ZNF407: variants seen among roughly 807,000 people sequenced by gnomAD.
The protein encoded by ZNF407 is zinc finger protein 407.
Under a neutral mutation model 131.2 loss-of-function variants are expected in ZNF407, and 17 were observed. The observed-to-expected ratio is 0.13, with a 90% CI of 0.09 to 0.19. ZNF407 has a LOEUF of 0.19. Among genes scored for constraint, ZNF407 ranks in the 10% least tolerant of loss-of-function variants. The probability of loss-of-function intolerance (pLI) is 1.00; values close to 1 mark genes in which losing one functional copy is unlikely to be tolerated. For missense variants in ZNF407, 2,681 were observed against 2,830.6 expected (o/e 0.95, Z 1.20); for synonymous variants, 1,156 against 1,062.0 (o/e 1.09, Z -1.72).
intron 3 of ZNF407, among the ~76,000 whole-genome samples, chr18:74,746,303 A>C (rs73472470): frequency 0.021 from 3,156 of 152,254 alleles, 69 homozygotes; most frequent in East Asian, 0.069. Flanking sequence ...GGCCTAGGAC[A>C]TTACTGTACA....
intron 8 of ZNF407, among the ~76,000 whole-genome samples, chr18:75,019,565 C>T (rs1973082907): frequency 6.6e-6 from 1 of 152,142 alleles, no homozygotes; most frequent in Non-Finnish European, 1.5e-5. Context: ...CCCACTCTTT[C>T]CCACTCAGGG....
chr18:74,643,000 T>C (rs1413213066), intron 3 of ZNF407, among the ~76,000 whole-genome samples: 1 of 152,112 alleles, frequency 6.6e-6, no homozygotes, highest in East Asian at 1.9e-4. Context: ...AACTGAAGAG[T>C]ACTTACTGAT....
intron 3 of ZNF407, among the ~76,000 whole-genome samples, chr18:74,743,173 A>G (rs1446779879): frequency 6.6e-6 from 1 of 152,180 alleles, no homozygotes; most frequent in Non-Finnish European, 1.5e-5. Flanking sequence ...AGCAAGTTAC[A>G]GGGGTTAGGG....
At chr18:74,654,889 A>G (rs1402164607) in intron 3 of ZNF407, among the ~76,000 whole-genome samples, 1 of 151,928 alleles carries the variant, frequency 6.6e-6, no homozygotes, top group East Asian at 1.9e-4. Flanking sequence ...TAACTAAAAA[A>G]GAAGATGAAG....
At chr18:74,819,231 T>C (rs1047467766) in intron 4 of ZNF407, among the ~76,000 whole-genome samples, 1 of 152,248 alleles carries the variant, frequency 6.6e-6, no homozygotes, top group African/African-American at 2.4e-5. Flanking sequence ...ACTATGTGTT[T>C]GGTATCTTGT....
At chr18:75,050,340 TAATA>T (rs991613460) in intron 8 of ZNF407, among the ~76,000 whole-genome samples, 2 of 152,334 alleles carry the variant, frequency 1.3e-5, no homozygotes, top group South Asian at 2.1e-4. Flanking sequence ...AAACAAGATT[TAATA>T]AATTTAAGTG....
intron 4 of ZNF407, among the ~76,000 whole-genome samples, chr18:74,851,789 G>A (rs17055745): frequency 6.6e-6 from 1 of 152,180 alleles, no homozygotes; most frequent in Non-Finnish European, 1.5e-5. Flanking sequence ...ATCAGCAAGA[G>A]TGAACAATAC....
chr18:74,912,536 T>TG (rs1971688482), intron 7 of ZNF407, among the ~76,000 whole-genome samples: 1 of 152,136 alleles, frequency 6.6e-6, no homozygotes, highest in Non-Finnish European at 1.5e-5. Context: ...CTCAAGTCAG[T>TG]GGGGAAAATC....
chr18:74,660,711 A>T (rs1985677504), intron 3 of ZNF407, among the ~76,000 whole-genome samples: 1 of 152,168 alleles, frequency 6.6e-6, no homozygotes, highest in African/African-American at 2.4e-5. Flanking sequence ...TTTTAGAAAT[A>T]GCAAGCAATG....
intron 1 of ZNF407, among the ~76,000 whole-genome samples, chr18:74,629,215 C>T (rs1599023689): frequency 6.6e-6 from 1 of 152,168 alleles, no homozygotes; most frequent in Non-Finnish European, 1.5e-5. Context: ...TTCTTGCCAA[C>T]GCTTGTTATC....
At chr18:74,848,376 C>A (rs1182970516) in intron 4 of ZNF407, among the ~76,000 whole-genome samples, 1 of 151,782 alleles carries the variant, frequency 6.6e-6, no homozygotes, top group Non-Finnish European at 1.5e-5. Flanking sequence ...ACAATAAAAC[C>A]GTAAAAAAGA....
At chr18:74,821,410 T>C (rs1970338173) in intron 4 of ZNF407, among the ~76,000 whole-genome samples, 1 of 151,978 alleles carries the variant, frequency 6.6e-6, no homozygotes, top group African/African-American at 2.4e-5. Flanking sequence ...CCTAATGCTA[T>C]CCCTCCCCTA....
intron 8 of ZNF407, among the ~76,000 whole-genome samples, chr18:74,924,133 A>G (rs935445853): frequency 6.6e-6 from 1 of 152,210 alleles, no homozygotes; most frequent in Non-Finnish European, 1.5e-5. Context: ...TATATTAAAT[A>G]TAAAAACAGA....
At chr18:74,970,676 C>G (rs1972462260) in intron 8 of ZNF407, among the ~76,000 whole-genome samples, 1 of 152,182 alleles carries the variant, frequency 6.6e-6, no homozygotes, top group African/African-American at 2.4e-5. Context: ...GGTATAGCCC[C>G]CCTCCTGGCT....
intron 8 of ZNF407, among the ~76,000 whole-genome samples, chr18:75,060,690 A>G (rs1599317276): frequency 6.6e-6 from 1 of 151,712 alleles, no homozygotes; most frequent in African/African-American, 2.4e-5. Flanking sequence ...TATTTTTAGT[A>G]GAGACGGGGT....
chr18:74,809,534 CA>C (rs1970163630), intron 4 of ZNF407, among the ~76,000 whole-genome samples: 1 of 152,042 alleles, frequency 6.6e-6, no homozygotes, highest in Non-Finnish European at 1.5e-5. Context: ...CACTTTGGAG[CA>C]AGGTAGATGA....
In ZNF407 at chr18:75,029,949, T is replaced by A. The variant is rs746408783; in HGVS notation, c.5429-33201T>A. On this transcript the variant is annotated intron_variant, in intron 8 of 8. Transcript: ENST00000299687. ...GAAGAACGTGTGTGATGACCAATCA[T>A]GAGCATTACATTAAAAATATGGGGA... 6.4e-4 allele frequency among the ~76,000 whole-genome samples: 98 copies of A among 152,244 alleles called. 1 individual carries two copies. The highest frequency in any genetic ancestry group is 3.3e-4 in the Admixed American group (5 of 15,282).
intron 8 of ZNF407, among the ~76,000 whole-genome samples, chr18:74,974,237 AC>A (rs1482740999): frequency 1.3e-5 from 2 of 152,160 alleles, no homozygotes; most frequent in Non-Finnish European, 2.9e-5. Context: ...AGCTGACCTC[AC>A]AGCTATTCTG....
chr18:74,998,724 A>T (rs1972806845), intron 8 of ZNF407, among the ~76,000 whole-genome samples: 1 of 122,792 alleles, frequency 8.1e-6, no homozygotes, highest in African/African-American at 3.2e-5. Context: ...ATGCGGAGAA[A>T]TAGGAACACT....
Sources: allele counts gnomAD v4.1 joint callset (sites outside exome capture counted in the v4.1 genomes callset), GRCh38; gene constraint gnomAD v4.1.1; transcripts MANE v1.5; gene names NCBI Gene and HGNC (gene_info 2026-07-23, HGNC 2026-07-21).